The following CRY2 variants were observed in gnomAD, a reference collection of about 807,000 sequenced individuals.
CRY2 encodes cryptochrome-2.
A neutral mutation model predicts 69.5 loss-of-function variants in CRY2; 31 were observed. That is an observed-to-expected ratio of 0.45 (90% confidence interval 0.34 to 0.60). The LOEUF (loss-of-function observed/expected upper bound fraction) is 0.60. CRY2 is among the 20% of genes least tolerant of loss of function. CRY2 has a pLI of 0.02. For synonymous variants in CRY2, 303 were observed against 312.2 expected (o/e 0.97, Z 0.31); for missense variants, 606 against 797.8 (o/e 0.76, Z 2.90).
chr11:45,854,581 C>T (rs1010477531), intron 1 of CRY2, among the ~76,000 whole-genome samples: 7 of 152,144 alleles, frequency 4.6e-5, no homozygotes, highest in South Asian at 2.1e-4. Flanking sequence ...CCCAGCTACT[C>T]GGAAAGCTGA....
intron 11 of CRY2, among the ~76,000 whole-genome samples, chr11:45,878,193 C>T (rs904583153): frequency 2.0e-5 from 3 of 152,196 alleles, no homozygotes; most frequent in Non-Finnish European, 4.4e-5. Context: ...CATATGTTCA[C>T]ACACAGAGAG....
intron 2 of CRY2, 48 bp from the exon 3 acceptor site, chr11:45,858,683 C>T (rs764479983): frequency 1.9e-6 from 3 of 1,573,256 alleles, no homozygotes; most frequent in Admixed American, 1.8e-5. Context: ...CCAGCTTCCC[C>T]CTCCTCCCCA....
chr11:45,869,682 G>A lies in CRY2; in HGVS notation c.1059G>A (p.Lys353=), dbSNP rs755609336. 1.9e-6 allele frequency: 3 copies of A among 1,614,250 alleles called. No individual in the cohort carries two copies. Among genetic ancestry groups the A allele is most frequent in the Non-Finnish European group, 8.5e-7 (1 of 1,180,036 alleles). The change falls in exon 7 of 12, where the codon AAG becomes AAA. Residue 353 remains lysine (K), a synonymous_variant. Coordinates refer to ENST00000616080, the MANE Select transcript of CRY2 (RefSeq NM_021117.5). ...CCCTGGCCAAGTGGGCTGAGGGCAA[G>A]ACAGGCTTCCCTTGGATTGATGCCA... ...PEALAKWAEG[K]TGFPWIDAIM...
At chr11:45,879,625 A>G (rs1013863895) in intron 11 of CRY2, among the ~76,000 whole-genome samples, 4 of 152,228 alleles carry the variant, frequency 2.6e-5, no homozygotes, top group Non-Finnish European at 4.4e-5. Context: ...CCACTTATGA[A>G]TGCTGTTGTC....
intron 2 of CRY2, among the ~76,000 whole-genome samples, chr11:45,857,918 C>T (rs1406256255): frequency 6.6e-6 from 1 of 152,220 alleles, no homozygotes; most frequent in East Asian, 1.9e-4. Context: ...CCAGACCAGC[C>T]TGTGCATGGC....
intron 3 of CRY2, 103 bp downstream of exon 3, chr11:45,858,976 C>T (rs562566572): frequency 3.2e-5 from 44 of 1,396,156 alleles, no homozygotes; most frequent in Non-Finnish European, 4.0e-5. Flanking sequence ...GGCTACCTGA[C>T]CCAGGAGGCA....
intron 11 of CRY2, among the ~76,000 whole-genome samples, chr11:45,879,757 C>T (rs2086453794): frequency 6.6e-6 from 1 of 152,214 alleles, no homozygotes; most frequent in Admixed American, 6.5e-5. Flanking sequence ...GACAAAGTAC[C>T]ACAGACTGGG....
At position 45,870,344 on chromosome 11, in the gene CRY2, A is replaced by G. The variant is rs2086367662; in HGVS notation, c.1361A>G (p.Lys454Arg). 6.2e-7 allele frequency: 1 copy of G among 1,614,090 alleles called. No homozygotes were observed. The highest frequency in any genetic ancestry group is 8.5e-7 in the Non-Finnish European group (1 of 1,180,046). The part of the protein sequence containing the change: ...SGDYIRRYLP[K>R]LKAFPSRYIY... ...TCTTATTTCAGGCGATACCTGCCCA[A>G]ATTGAAAGCGTTCCCCTCTCGATAC... Residue 454 changes from lysine (K) to arginine (R), a missense_variant, in exon 9 of 12, where the codon AAA (lysine) becomes AGA (arginine). By Grantham distance (26) the Lys-to-Arg change is conservative (BLOSUM62 2). This residue lies in a region of CRY2 where 173 missense variants were observed against 213.7 expected (regional missense o/e 0.81). Coordinates refer to ENST00000616080, the MANE Select transcript of CRY2 (RefSeq NM_021117.5).
At chr11:45,856,391 G>C (rs1366458025) in intron 2 of CRY2, 1 of 300,502 alleles carries the variant, frequency 3.3e-6, no homozygotes, top group East Asian at 7.4e-5. Flanking sequence ...TGTTTTCTTG[G>C]CTCAAGCCAG....
rs1356583455 is a variant in CRY2, at chr11:45,869,656, G to T, written c.1033G>T (p.Ala345Ser). 1.2e-6 allele frequency: 2 copies of T among 1,614,150 alleles called. No homozygotes were observed. The highest frequency in any genetic ancestry group is 1.3e-5 in the African/African-American group (1 of 74,954). Residue 345 changes from alanine (A) to serine (S), a missense_variant, in exon 7 of 12, where the codon GCC (alanine) becomes TCC (serine). Transcript: ENST00000616080. ...IQIPWDRNPE[A>S]LAKWAEGKTG... is the part of the protein sequence containing the mutation. ...GATCCCCTGGGACCGCAATCCTGAGGCCCTGGCCAAGTGGGCTGAGGGCAA... is the reference window on the plus strand; with the variant it reads ...GATCCCCTGGGACCGCAATCCTGAGTCCCTGGCCAAGTGGGCTGAGGGCAA...
At chr11:45,852,635 T>C (rs908745767) in intron 1 of CRY2, among the ~76,000 whole-genome samples, 4 of 152,054 alleles carry the variant, frequency 2.6e-5, no homozygotes, top group African/African-American at 9.7e-5. Context: ...GGGAGGGAAG[T>C]TGGAAGAAGC....
chr11:45,862,207 AC>A (rs1215692263), intron 5 of CRY2, 59 bp downstream of exon 5: 5 of 1,513,930 alleles, frequency 3.3e-6, no homozygotes, highest in Non-Finnish European at 4.5e-6. Flanking sequence ...AGCAGGAGAT[AC>A]AGGTCATGTC....
At chr11:45,867,944 T>A (rs2134642515) in intron 6 of CRY2, 192 bp downstream of exon 6, 1 of 668,426 alleles carries the variant, frequency 1.5e-6, no homozygotes, top group Middle Eastern at 4.2e-4. Context: ...AAGCACAGAG[T>A]GAACTGCCCA....
rs754348679 is a variant in CRY2, at chr11:45,881,207, G to C, written c.*296G>C. The C allele has an allele frequency of 4.6e-5, 7 of 152,328 alleles. No homozygotes were observed. The highest frequency in any genetic ancestry group is 1.0e-4 in the Non-Finnish European group (7 of 68,074). 9.4% of individuals were successfully genotyped at this position (152,328 alleles called of 1,614,324 possible). A position where few individuals can be genotyped will look rare whatever the true frequency, so the allele number is the denominator to read the frequency against. ...TGGCAGTGACTTTCAGCTGAGACCT[G>C]TTCCTGCAAGCCAGCTGCCTTGTCT... On this transcript the variant is annotated 3_prime_UTR_variant, in exon 12 of 12. Coordinates refer to ENST00000616080, the MANE Select transcript of CRY2 (RefSeq NM_021117.5).
Position 45,882,635 on chromosome 11 carries a change from G to A in CRY2, c.*1724G>A. The A allele has an allele frequency of 2.5e-6, 1 of 399,148 alleles. No homozygotes were observed. Among genetic ancestry groups the A allele is most frequent in the East Asian group, 3.6e-5 (1 of 28,082 alleles). The allele number at this position is 399,148 out of a possible 1,614,324, so 24.7% of individuals were successfully genotyped here. On this transcript the variant is annotated 3_prime_UTR_variant, in exon 12 of 12. Transcript: ENST00000616080. Reference sequence around the variant, plus strand: ...CCCATCATCGTGGGAGGGGAGCAGGGCACAGGGGATGGTGTGCATTCAGAG... The same window carrying A: ...CCCATCATCGTGGGAGGGGAGCAGGACACAGGGGATGGTGTGCATTCAGAG...
intron 1 of CRY2, among the ~76,000 whole-genome samples, chr11:45,850,014 T>TGTTTTG (rs981581861): frequency 6.0e-5 from 9 of 151,032 alleles, no homozygotes; most frequent in South Asian, 2.1e-4. Context: ...TTTTGTTTTT[T>TGTTTTG]TTTTTTTTTG....
chr11:45,879,127 G>T (rs1464938266), intron 11 of CRY2, among the ~76,000 whole-genome samples: 1 of 151,400 alleles, frequency 6.6e-6, no homozygotes, highest in Non-Finnish European at 1.5e-5. Flanking sequence ...TACTCAGGAG[G>T]CTGAGGCAGG....
rs760251014 is a variant in CRY2, at chr11:45,862,034, G to A, written c.653-26G>A. The A allele has an allele frequency of 5.6e-6, 9 of 1,604,170 alleles. No homozygotes were observed. In the Admixed American group the frequency reaches 1.0e-4, roughly 18 times the overall value. ...TATCACTGAAATGGTCAAACCTCCTGTCTTGTGACCTTTCCTTCTCTTCAG... is the reference window on the plus strand; with the variant it reads ...TATCACTGAAATGGTCAAACCTCCTATCTTGTGACCTTTCCTTCTCTTCAG... On this transcript the variant is annotated intron_variant, in intron 4 of 11. Transcript: ENST00000616080.
At position 45,870,920 on chromosome 11, in the gene CRY2, G is replaced by A. The variant is rs1175416933; in HGVS notation, c.1628G>A (p.Ser543Asn). ...VAEPSSSQAGSMSSAGPRPLP... is the reference protein window; with the variant it reads ...VAEPSSSQAGNMSSAGPRPLP... ...GAGCCCAGCTCGAGCCAGGCTGGCA[G>A]CATGAGCAGTGCAGGTGAGCAGCAG... is the stretch of plus-strand genomic sequence containing the variant. Residue 543 changes from serine (S) to asparagine (N), a missense_variant, in exon 10 of 12, where the codon AGC becomes AAC. Physicochemically the swap from Ser to Asn is conservative, Grantham distance 46 (BLOSUM62 1). Transcript: ENST00000616080. 1 of 1,611,278 alleles carries A rather than the reference G, an allele frequency of 6.2e-7. No individual in the cohort carries two copies.
Sources: gnomAD v4.1 joint callset for allele counts (sites outside exome capture counted in the v4.1 genomes callset) on GRCh38, gnomAD v4.1.1 for gene constraint, gnomAD v4.1.1 regional missense constraint, MANE v1.5 for transcripts, NCBI Gene and HGNC (gene_info 2026-07-23, HGNC 2026-07-21) for gene names.